The following PDE4D variants were observed in gnomAD, a reference collection of about 807,000 sequenced individuals.
PDE4D encodes phosphodiesterase 4D.
A neutral mutation model predicts 87.4 loss-of-function variants in PDE4D; 24 were observed. The observed-to-expected ratio is 0.27, with a 90% CI of 0.20 to 0.39. The LOEUF is 0.39. PDE4D is among the 10% of genes least tolerant of loss of function. PDE4D has a pLI of 1.00. For synonymous variants in PDE4D, 384 were observed against 383.2 expected (o/e 1.00, Z -0.02); for missense variants, 714 against 1,041.0 (o/e 0.69, Z 4.32).
At chr5:60,441,931 C>G (rs148688365) in intron 1 of PDE4D, among the ~76,000 whole-genome samples, 13,439 of 151,978 alleles carry the variant, frequency 0.088, 883 homozygotes, top group South Asian at 0.32. Context: ...ATTAAAAAGT[C>G]AGGAAACAGC....
intron 1 of PDE4D, among the ~76,000 whole-genome samples, chr5:59,833,600 C>T (rs921062423): frequency 4.0e-5 from 6 of 151,860 alleles, no homozygotes; most frequent in African/African-American, 9.7e-5. Context: ...GAACGGTAGC[C>T]GTGTTTCTCC....
intron 1 of PDE4D, among the ~76,000 whole-genome samples, chr5:59,415,787 C>A (rs963502618): frequency 2.0e-5 from 3 of 152,098 alleles, no homozygotes; most frequent in African/African-American, 7.2e-5. Flanking sequence ...TTAAAATAAT[C>A]TGATACAGTG....
At chr5:59,941,500 C>G (rs1267050091) in intron 3 of PDE4D, among the ~76,000 whole-genome samples, 4 of 152,208 alleles carry the variant, frequency 2.6e-5, no homozygotes, top group Non-Finnish European at 5.9e-5. Context: ...TTGCCTTTCA[C>G]CATAGCTTCC....
At chr5:60,003,108 C>T (rs181958118) in intron 2 of PDE4D, among the ~76,000 whole-genome samples, 1 of 151,986 alleles carries the variant, frequency 6.6e-6, no homozygotes, top group Admixed American at 6.6e-5. Context: ...TATATACTAA[C>T]AATAAACTAT....
chr5:60,361,689 T>C (rs1208002229), intron 1 of PDE4D, among the ~76,000 whole-genome samples: 2 of 152,094 alleles, frequency 1.3e-5, no homozygotes, highest in African/African-American at 4.8e-5. Context: ...TCCTTTAGAG[T>C]TTCCTTTCTT....
At chr5:59,023,567 G>T (rs1036056733) in intron 6 of PDE4D, among the ~76,000 whole-genome samples, 2 of 152,106 alleles carry the variant, frequency 1.3e-5, no homozygotes, top group African/African-American at 4.8e-5. Flanking sequence ...GAGGTGGGAG[G>T]ATGGCTTGAG....
At chr5:59,366,596 A>G (rs1438036836) in intron 1 of PDE4D, among the ~76,000 whole-genome samples, 1 of 152,156 alleles carries the variant, frequency 6.6e-6, no homozygotes, top group Non-Finnish European at 1.5e-5. Context: ...ACAGTTACTG[A>G]TATTGTACAA....
chr5:60,120,672 A>C (rs1434033237), intron 2 of PDE4D, among the ~76,000 whole-genome samples: 1 of 152,154 alleles, frequency 6.6e-6, no homozygotes, highest in Non-Finnish European at 1.5e-5. Flanking sequence ...AGCCCTGCTC[A>C]TGTATTATAT....
Position 60,108,940 on chromosome 5 carries a change from A to T in PDE4D, c.42+76617T>A, listed in dbSNP as rs529068064. On this transcript the variant is annotated intron_variant, in intron 2 of 16. Coordinates refer to the PDE4D transcript ENST00000502484. ...AAACCTAGGCATTACCATTCAGGAC[A>T]TAGGCATGGGCAAGGACTTCATGTC... Among the ~76,000 whole-genome samples the T allele has an allele frequency of 5.9e-5, 9 of 152,346 alleles. No individual in the cohort carries two copies. In the East Asian group the frequency reaches 1.7e-3, roughly 29 times the overall value.
At chr5:59,429,047 T>C (rs1795726907) in intron 1 of PDE4D, among the ~76,000 whole-genome samples, 1 of 152,198 alleles carries the variant, frequency 6.6e-6, no homozygotes, top group East Asian at 1.9e-4. Flanking sequence ...TCTATGCATA[T>C]ACACAATATA....
chr5:59,090,275 C>T (rs1050133470), intron 5 of PDE4D, among the ~76,000 whole-genome samples: 5 of 152,078 alleles, frequency 3.3e-5, no homozygotes, highest in African/African-American at 1.2e-4. Flanking sequence ...TTGATGAATA[C>T]ACCTCATGTT....
intron 1 of PDE4D, among the ~76,000 whole-genome samples, chr5:60,250,914 T>C (rs563860170): frequency 1.3e-5 from 2 of 152,062 alleles, no homozygotes; most frequent in Admixed American, 1.3e-4. Context: ...CCTGAAAATC[T>C]TCAGTAAGAC....
rs374101592 is a variant in PDE4D, at chr5:59,072,351, A to G, written c.809-33380T>C. On this transcript the variant is annotated intron_variant, in intron 5 of 14. Coordinates refer to ENST00000340635, the MANE Select transcript of PDE4D (RefSeq NM_001104631.2). ...TCGGAATTCATTCAACAAATATTTG[A>G]GCATCTATATTTGGCAGCCTCTATT... is the stretch of plus-strand genomic sequence containing the variant. 2.0e-5 allele frequency among the ~76,000 whole-genome samples: 3 copies of G among 152,264 alleles called. No individual in the cohort carries two copies. The South Asian group carries it at 6.2e-4, about 32-fold the overall frequency.
intron 1 of PDE4D, among the ~76,000 whole-genome samples, chr5:59,266,820 A>G (rs1406807181): frequency 6.6e-6 from 1 of 152,082 alleles, no homozygotes; most frequent in Non-Finnish European, 1.5e-5. Flanking sequence ...TGTGTAGCCA[A>G]AGCAGTTTAG....
chr5:59,230,599 A>G (rs1194576291), intron 1 of PDE4D, among the ~76,000 whole-genome samples: 1 of 152,216 alleles, frequency 6.6e-6, no homozygotes, highest in Non-Finnish European at 1.5e-5. Context: ...ACAGAAAACA[A>G]AAAAGTAATA....
intron 2 of PDE4D, among the ~76,000 whole-genome samples, chr5:59,205,569 T>C (rs1036446715): frequency 2.0e-5 from 3 of 151,800 alleles, no homozygotes; most frequent in African/African-American, 7.3e-5. Flanking sequence ...CACTGTCCAA[T>C]AGAATATTTC....
intron 1 of PDE4D, among the ~76,000 whole-genome samples, chr5:60,509,291 G>A (rs1168203166): frequency 4.6e-5 from 7 of 152,118 alleles, no homozygotes; most frequent in East Asian, 3.9e-4. Flanking sequence ...AAGGACCCTC[G>A]CTTACAGCAT....
At chr5:60,075,973 T>C (rs1456599209) in intron 2 of PDE4D, among the ~76,000 whole-genome samples, 1 of 152,118 alleles carries the variant, frequency 6.6e-6, no homozygotes, top group Non-Finnish European at 1.5e-5. Context: ...ATCTTGATGA[T>C]CTTCATTTCT....
chr5:59,681,777 C>A (rs1449543738), intron 1 of PDE4D, among the ~76,000 whole-genome samples: 1 of 151,694 alleles, frequency 6.6e-6, no homozygotes, highest in African/African-American at 2.4e-5. Flanking sequence ...GTGGTGGGTG[C>A]CTGTAGTCCC....
Sources: allele counts gnomAD v4.1 joint callset (sites outside exome capture counted in the v4.1 genomes callset), GRCh38; gene constraint gnomAD v4.1.1; transcripts MANE v1.5; gene names NCBI Gene and HGNC (gene_info 2026-07-23, HGNC 2026-07-21).